The following TAF4B variants were observed in gnomAD, a reference collection of about 807,000 sequenced individuals.
TAF4B encodes TATA-box binding protein associated factor 4b, also known as transcription initiation factor TFIID subunit 4B.
In TAF4B, 38 loss-of-function variants were observed where a neutral mutation model predicts 86.4. The observed-to-expected ratio is 0.44, with a 90% CI of 0.34 to 0.58. The LOEUF is 0.58. Among genes scored for constraint, TAF4B ranks in the 20% least tolerant of loss-of-function variants. The probability of loss-of-function intolerance (pLI) is 0.02; values close to 1 mark genes in which losing one functional copy is unlikely to be tolerated. For missense variants in TAF4B, 988 were observed against 1,027.6 expected, an observed-to-expected ratio of 0.96 and a Z score of 0.53; for synonymous variants, 388 against 391.2, an observed-to-expected ratio of 0.99 and a Z score of 0.10.
intron 14 of TAF4B, among the ~76,000 whole-genome samples, chr18:26,371,373 A>G (rs923670846): frequency 6.6e-6 from 1 of 152,126 alleles, no homozygotes; most frequent in East Asian, 1.9e-4. Flanking sequence ...CCATTTCCTT[A>G]TTTCTCTATT....
chr18:26,247,761 A>G (rs1198869008), intron 1 of TAF4B, among the ~76,000 whole-genome samples: 1 of 152,120 alleles, frequency 6.6e-6, no homozygotes, highest in Non-Finnish European at 1.5e-5. Context: ...GCATACCTCT[A>G]ATCCCAGGTA....
At position 26,389,924 on chromosome 18, in the gene TAF4B, G is replaced by A. The variant is rs1567936296; in HGVS notation, c.2501G>A (p.Arg834Lys). ...TKQLHRPRIT[R>K]ICLRDLIFCM... Reference sequence around the variant, plus strand: ...CAGTTGCATCGTCCAAGAATCACGAGAATCTGCCTCAGGGACTTGATATTT... The same window carrying A: ...CAGTTGCATCGTCCAAGAATCACGAAAATCTGCCTCAGGGACTTGATATTT... The change falls in exon 15 of 15, where the codon AGA (arginine) becomes AAA (lysine). Residue 834 changes from arginine (R) to lysine (K), a missense_variant. By Grantham distance (26) the Arg-to-Lys change is conservative. This residue lies in a region of TAF4B where 216 missense variants were observed against 238.4 expected (regional missense o/e 0.91). Coordinates refer to ENST00000269142, the MANE Select transcript of TAF4B (RefSeq NM_005640.3). 6.2e-7 allele frequency: 1 copy of A among 1,614,138 alleles called. No individual in the cohort carries two copies. Among genetic ancestry groups the A allele is most frequent in the Non-Finnish European group, 8.5e-7 (1 of 1,179,984 alleles).
At chr18:26,295,438 G>T in intron 9 of TAF4B, 1 of 175,344 alleles carries the variant, frequency 5.7e-6, no homozygotes, top group Non-Finnish European at 1.2e-5. Flanking sequence ...CAGATAATCA[G>T]GCATTAGATT....
At chr18:26,380,224 T>G (rs1308152424) in intron 14 of TAF4B, among the ~76,000 whole-genome samples, 1 of 152,170 alleles carries the variant, frequency 6.6e-6, no homozygotes, top group African/African-American at 2.4e-5. Context: ...ATCCATGCCT[T>G]ATTCCTGATC....
At position 26,228,170 on chromosome 18, in the gene TAF4B, T is replaced by A. The variant is rs74940662; in HGVS notation, c.343+894T>A. Among the ~76,000 whole-genome samples, 1,480 of 152,372 alleles carry A rather than the reference T, an allele frequency of 9.7e-3. 22 individuals are homozygous for A. The highest frequency in any genetic ancestry group is 0.034 in the African/African-American group (1,415 of 41,588). The stretch of plus-strand genomic sequence containing the variant: ...GATAATTTACATATTGTAAATATGC[T>A]GAATGATTTTGGGGTGTTCAGCCTT... On this transcript the variant is annotated intron_variant, in intron 1 of 14. Coordinates refer to ENST00000269142, the MANE Select transcript of TAF4B (RefSeq NM_005640.3).
At chr18:26,245,734 C>G (rs138789544) in intron 1 of TAF4B, among the ~76,000 whole-genome samples, 2,918 of 152,326 alleles carry the variant, frequency 0.019, 80 homozygotes, top group African/African-American at 0.067. Flanking sequence ...TTACAATCCT[C>G]TTGTAAGACA....
intron 7 of TAF4B, among the ~76,000 whole-genome samples, chr18:26,290,938 A>G (rs1386314500): frequency 1.3e-5 from 2 of 152,174 alleles, no homozygotes; most frequent in African/African-American, 4.8e-5. Context: ...TAGTACATGA[A>G]TATGATCTCA....
chr18:26,363,525 A>T (rs1300044293), intron 14 of TAF4B, among the ~76,000 whole-genome samples: 1 of 152,088 alleles, frequency 6.6e-6, no homozygotes, highest in Non-Finnish European at 1.5e-5. Flanking sequence ...AGCCTGGGTG[A>T]CACAGTAAGA....
intron 3 of TAF4B, among the ~76,000 whole-genome samples, chr18:26,272,197 C>A (rs117697677): frequency 1.7e-4 from 26 of 152,214 alleles, no homozygotes; most frequent in Admixed American, 6.5e-4. Context: ...CTTCCGGTTG[C>A]GTCTATCAAG....
Position 26,321,066 on chromosome 18 carries a change from G to C in TAF4B, c.2003-4G>C. On this transcript the variant is annotated splice_polypyrimidine_tract_variant and splice_region_variant and intron_variant, in intron 10 of 14. Coordinates refer to ENST00000269142, the MANE Select transcript of TAF4B (RefSeq NM_005640.3). ...CACGTAATGGATTTTCTCTGCTTCT[G>C]CAGGTAAAAAGCATGACATTACAGA... The C allele has an allele frequency of 6.2e-7, 1 of 1,613,424 alleles. No individual in the cohort carries two copies. The highest frequency in any genetic ancestry group is 8.5e-7 in the Non-Finnish European group (1 of 1,179,580).
At position 26,286,248 on chromosome 18, in the gene TAF4B, A is replaced by G. The variant is rs1325610015; in HGVS notation, c.1339A>G (p.Thr447Ala). The stretch of plus-strand genomic sequence containing the variant: ...GACATCTGTGGCAAACACAGTGACC[A>G]CGGTCTCACTGCAACCTGAAAAGCC... ...LVTSVANTVT[T>A]VSLQPEKPVV... is the part of the protein sequence containing the mutation. The change falls in exon 7 of 15, where the codon ACG becomes GCG. Residue 447 changes from threonine to alanine, a missense_variant. Around this residue, in one of 3 missense-constraint regions of TAF4B, gnomAD observed 747 missense variants for 737.9 expected, o/e 1.01. Coordinates refer to ENST00000269142, the MANE Select transcript of TAF4B (RefSeq NM_005640.3). 8.7e-6 allele frequency: 14 copies of G among 1,614,230 alleles called. No individual in the cohort carries two copies. The highest frequency in any genetic ancestry group is 1.2e-5 in the Non-Finnish European group (14 of 1,180,030).
chr18:26,270,160 G>A (rs1181245141), intron 3 of TAF4B, among the ~76,000 whole-genome samples: 1 of 152,146 alleles, frequency 6.6e-6, no homozygotes, highest in Non-Finnish European at 1.5e-5. Flanking sequence ...TGCACATTAT[G>A]GCTCTTCAGG....
chr18:26,239,922 G>A (rs930593829), intron 1 of TAF4B, among the ~76,000 whole-genome samples: 2 of 152,080 alleles, frequency 1.3e-5, no homozygotes, highest in Non-Finnish European at 2.9e-5. Flanking sequence ...ATTTCTGAGG[G>A]CTCTGTTCTG....
intron 10 of TAF4B, among the ~76,000 whole-genome samples, chr18:26,316,657 T>C (rs1375535735): frequency 6.6e-6 from 1 of 152,200 alleles, no homozygotes; most frequent in Non-Finnish European, 1.5e-5. Context: ...AGTGCTGGGA[T>C]TACAGGCGTG....
intron 14 of TAF4B, among the ~76,000 whole-genome samples, chr18:26,387,920 A>C (rs1978473484): frequency 6.6e-6 from 1 of 152,180 alleles, no homozygotes; most frequent in Admixed American, 6.5e-5. Flanking sequence ...ACATGCATGG[A>C]ATTAAGTTTG....
intron 14 of TAF4B, among the ~76,000 whole-genome samples, chr18:26,367,526 G>A (rs752823024): frequency 3.3e-5 from 5 of 152,166 alleles, no homozygotes; most frequent in Non-Finnish European, 7.3e-5. Context: ...TCAACTGATT[G>A]GGTCATGCAT....
At chr18:26,315,978 A>G (rs1027488466) in intron 10 of TAF4B, among the ~76,000 whole-genome samples, 2 of 152,122 alleles carry the variant, frequency 1.3e-5, no homozygotes, top group Admixed American at 6.6e-5. Flanking sequence ...CAAGGTGGGC[A>G]GATCACATGA....
intron 9 of TAF4B, chr18:26,304,861 T>C: frequency 1.0e-6 from 1 of 985,414 alleles, no homozygotes; most frequent in East Asian, 1.1e-4. Flanking sequence ...GAAGGAAAAA[T>C]GTCACTATAA....
At chr18:26,354,561 T>A (rs926856933) in intron 13 of TAF4B, among the ~76,000 whole-genome samples, 1 of 152,220 alleles carries the variant, frequency 6.6e-6, no homozygotes, top group African/African-American at 2.4e-5. Context: ...GGCCATCCTA[T>A]GGCTTGAGCT....
Sources: gnomAD v4.1 joint callset for allele counts (sites outside exome capture counted in the v4.1 genomes callset) on GRCh38, gnomAD v4.1.1 for gene constraint, gnomAD v4.1.1 regional missense constraint, MANE v1.5 for transcripts, NCBI Gene and HGNC (gene_info 2026-07-23, HGNC 2026-07-21) for gene names.